ACSM3: variants seen among roughly 807,000 people sequenced by gnomAD.
ACSM3 encodes acyl-CoA synthetase medium chain family member 3.
ACSM3 carries 61 observed loss-of-function variants against 74.1 expected under a neutral mutation model. The ratio of observed to expected loss-of-function variants is 0.82; its 90% confidence interval spans 0.67 to 1.02. ACSM3 has a LOEUF of 1.02. ACSM3 is among the 50% of genes least tolerant of loss of function. The pLI, the probability that ACSM3 is intolerant of heterozygous loss-of-function variation, is 0.00. For synonymous variants in ACSM3, 213 were observed against 241.5 expected (o/e 0.88, Z 1.09); for missense variants, 660 against 697.0 (o/e 0.95, Z 0.60).
chr16:20,765,374 T>C (rs966979112), intron 1 of ACSM3, among the ~76,000 whole-genome samples: 1 of 152,210 alleles, frequency 6.6e-6, no homozygotes, highest in African/African-American at 2.4e-5. Context: ...AGGATGTCGA[T>C]ATTTGCTTTT....
intron 1 of ACSM3, among the ~76,000 whole-genome samples, chr16:20,707,848 C>T (rs1462650623): frequency 6.6e-6 from 1 of 151,910 alleles, no homozygotes; most frequent in Non-Finnish European, 1.5e-5. Flanking sequence ...CATGAAACCA[C>T]CAAAGAAAAT....
At chr16:20,683,886 G>A (rs2079499658) in intron 1 of ACSM3, among the ~76,000 whole-genome samples, 1 of 151,934 alleles carries the variant, frequency 6.6e-6, no homozygotes, top group South Asian at 2.1e-4. Flanking sequence ...ATTTCCCATG[G>A]ACCATCTTAT....
At chr16:20,753,692 TACAG>T (rs1473239391) in intron 2 of ACSM3, among the ~76,000 whole-genome samples, 1 of 151,970 alleles carries the variant, frequency 6.6e-6, no homozygotes, top group African/African-American at 2.4e-5. Flanking sequence ...AAGCTGCAGA[TACAG>T]ACAACTATTT....
At chr16:20,711,388 C>T (rs2152377315) in intron 1 of ACSM3, 1 of 500,158 alleles carries the variant, frequency 2.0e-6, no homozygotes, top group Non-Finnish European at 3.6e-6. Flanking sequence ...TAATGCTCCT[C>T]CTCACCCAGG....
At chr16:20,775,476 C>T (rs966731240) in intron 2 of ACSM3, among the ~76,000 whole-genome samples, 19 of 152,044 alleles carry the variant, frequency 1.2e-4, no homozygotes, top group African/African-American at 4.3e-4. Flanking sequence ...ATAGGGAGTC[C>T]CTCTGGGCTC....
At chr16:20,743,495 G>C (rs2079945497) in intron 1 of ACSM3, among the ~76,000 whole-genome samples, 1 of 152,126 alleles carries the variant, frequency 6.6e-6, no homozygotes, top group South Asian at 2.1e-4. Flanking sequence ...AAAAACAAGT[G>C]CTTCTCATAC....
intron 2 of ACSM3, among the ~76,000 whole-genome samples, chr16:20,775,226 A>T (rs906463992): frequency 1.2e-4 from 18 of 152,152 alleles, no homozygotes. Flanking sequence ...GTATGGTAGT[A>T]GCTCTGTTCC....
At chr16:20,760,101 T>G (rs930775631), upstream of ACSM3, among the ~76,000 whole-genome samples, 2 of 152,156 alleles carry the variant, frequency 1.3e-5, no homozygotes, top group African/African-American at 4.8e-5. Context: ...ATCTTAAAAC[T>G]GACAAAACAG....
chr16:20,712,926 C>A (rs1464112609), intron 1 of ACSM3, among the ~76,000 whole-genome samples: 213 of 148,994 alleles, frequency 1.4e-3, no homozygotes, highest in Middle Eastern at 3.4e-3. Context: ...AAAAAAAAAA[C>A]AAAAACCAGA....
intron 1 of ACSM3, chr16:20,703,860 G>C (rs1417285195): frequency 6.6e-6 from 1 of 151,996 alleles, no homozygotes; most frequent in Non-Finnish European, 1.5e-5. Flanking sequence ...TTAATATTAG[G>C]CCACACAAAT....
chr16:20,711,430 G>A (rs2079743513), intron 1 of ACSM3: 3 of 841,796 alleles, frequency 3.6e-6, no homozygotes, highest in African/African-American at 1.7e-5. Context: ...CGTCCACAGA[G>A]TCTCACTTAA....
Position 20,790,921 on chromosome 16 carries a change from G to A in ACSM3, c.1326+233G>A, listed in dbSNP as rs1040301253. 1.2e-6 allele frequency: 2 copies of A among 1,614,018 alleles called. No homozygotes were observed. Among genetic ancestry groups the A allele is most frequent in the Admixed American group, 1.7e-5 (1 of 60,002 alleles). On this transcript the variant is annotated intron_variant, in intron 10 of 13. Coordinates refer to ENST00000289416, the MANE Select transcript of ACSM3 (RefSeq NM_005622.4). This position sits in a 1 kb window ranked among gnomAD's most constrained non-coding sequence, Gnocchi z 4.0. ...CACTGTTCCAGGTCCACGAAGGCAA[G>A]AGGAAGGGACCCTAGAAAGAGGACA... is the stretch of plus-strand genomic sequence containing the variant.
rs772265277 is a variant in ACSM3 at position 20,685,167 on chromosome 16, C to T, written c.-190+10345C>T. ...TTGGTTCTAGAACAGCCCCGAGGTC[C>T]ACCAGGTCCCTCTTGCATCACTGAC... On this transcript the variant is annotated intron_variant, in intron 1 of 3. Transcript: ENST00000561584. The T allele has an allele frequency of 1.8e-5, 29 of 1,613,270 alleles. No homozygotes were observed. The South Asian group carries it at 1.9e-4, about 10-fold the overall frequency.
At chr16:20,783,721 C>T (rs910695395) in intron 7 of ACSM3, 2 of 152,140 alleles carry the variant, frequency 1.3e-5, no homozygotes, top group African/African-American at 2.4e-5. Context: ...GTGACCCAGT[C>T]CTCTTCCATG....
intron 13 of ACSM3, 55 bp downstream of exon 13, chr16:20,796,544 G>C (rs2080728174): frequency 7.5e-6 from 12 of 1,593,752 alleles, no homozygotes; most frequent in Non-Finnish European, 9.4e-6. Context: ...AATTTCAAGT[G>C]TTTATTTTTA....
At chr16:20,743,787 T>C (rs897259150) in intron 1 of ACSM3, 4 of 152,242 alleles carry the variant, frequency 2.6e-5, no homozygotes, top group Non-Finnish European at 4.4e-5. Context: ...GACACTGGCA[T>C]TGGCCTTCCC....
chr16:20,770,282 A>G (rs200150657), intron 2 of ACSM3, 29 bp downstream of exon 2: 50 of 1,577,060 alleles, frequency 3.2e-5, no homozygotes, highest in Non-Finnish European at 4.0e-5. Flanking sequence ...TCAGACCACA[A>G]TTTCTCAACT....
intron 1 of ACSM3, among the ~76,000 whole-genome samples, chr16:20,693,525 T>TAAA: frequency 1.3e-5 from 2 of 152,224 alleles, no homozygotes; most frequent in African/African-American, 4.8e-5. Flanking sequence ...TCCCTCTTGC[T>TAAA]CACTTTCAAC....
At chr16:20,792,794 G>C in intron 12 of ACSM3, 1 of 774,484 alleles carries the variant, frequency 1.3e-6, no homozygotes, top group East Asian at 1.3e-4. Flanking sequence ...AGTCTTGGTA[G>C]GTAAATAAGT....
Sources: gnomAD v4.1 joint callset for allele counts (sites outside exome capture counted in the v4.1 genomes callset) on GRCh38, gnomAD v4.1.1 for gene constraint, Gnocchi (gnomAD v3.1) non-coding constraint, MANE v1.5 for transcripts, NCBI Gene and HGNC (gene_info 2026-07-23, HGNC 2026-07-21) for gene names.